TOP2B: variants seen among roughly 807,000 people sequenced by gnomAD.
TOP2B encodes DNA topoisomerase II beta, also known as DNA topoisomerase 2-beta.
A neutral mutation model predicts 193.5 loss-of-function variants in TOP2B; 51 were observed. That is an observed-to-expected ratio of 0.26 (90% CI 0.21 to 0.33). The LOEUF is 0.33. Among genes scored for constraint, TOP2B ranks in the 10% least tolerant of loss-of-function variants. The pLI is 1.00. For missense variants in TOP2B, 1,378 were observed against 1,909.3 expected (o/e 0.72, Z 5.19); for synonymous variants, 634 against 635.7 (o/e 1.00, Z 0.04).
At chr3:25,632,861 T>C in intron 8 of TOP2B, 67 bp from the exon 9 acceptor site, 2 of 1,259,546 alleles carry the variant, frequency 1.6e-6, no homozygotes, top group Non-Finnish European at 2.3e-6. Flanking sequence ...ACTTTATCTG[T>C]ATTATAAACC....
intron 19 of TOP2B, 76 bp downstream of exon 19, chr3:25,624,606 G>C: frequency 6.4e-7 from 1 of 1,574,536 alleles, no homozygotes; most frequent in African/African-American, 1.4e-5. Flanking sequence ...TTTACTAAAG[G>C]AAAAATACTA....
chr3:25,638,357 A>T lies in TOP2B; in HGVS notation c.396-47T>A, dbSNP rs1223655042. Reference sequence around the variant, plus strand: ...AAAAAAAAAAAAAAAAAAAAAGCAGAATTTAGAGCTTAAAATAGTAAAGAT... The same window carrying T: ...AAAAAAAAAAAAAAAAAAAAAGCAGTATTTAGAGCTTAAAATAGTAAAGAT... On this transcript the variant is annotated intron_variant, in intron 4 of 35. Transcript: ENST00000264331. 8 of 1,376,218 alleles carry T rather than the reference A, an allele frequency of 5.8e-6. No homozygotes were observed. In the African/African-American group the frequency reaches 1.3e-4, roughly 22 times the overall value. The allele number at this position is 1,376,218 out of a possible 1,614,324, so 85.3% of individuals were successfully genotyped here.
At chr3:25,629,765 T>A (rs1702906662) in intron 13 of TOP2B, among the ~76,000 whole-genome samples, 1 of 152,156 alleles carries the variant, frequency 6.6e-6, no homozygotes, top group Non-Finnish European at 1.5e-5. Context: ...TACTTGTTAA[T>A]TCCATAATTT....
At chr3:25,607,496 A>G in intron 30 of TOP2B, 121 bp from the exon 31 acceptor site, 1 of 1,276,930 alleles carries the variant, frequency 7.8e-7, no homozygotes, top group Non-Finnish European at 1.1e-6. Context: ...CATAAGAAAT[A>G]AAAGCAAGCA....
intron 31 of TOP2B, 125 bp downstream of exon 31, chr3:25,607,046 T>A (rs1327483917): frequency 8.9e-6 from 12 of 1,352,550 alleles, no homozygotes; most frequent in Admixed American, 2.8e-5. Flanking sequence ...ATTAACAAGA[T>A]TGATTCCTTC....
intron 31 of TOP2B, among the ~76,000 whole-genome samples, chr3:25,606,861 G>C (rs979032990): frequency 5.3e-5 from 8 of 152,146 alleles, no homozygotes; most frequent in Non-Finnish European, 7.4e-5. Context: ...TGGCTACACT[G>C]ATTTATTTAC....
intron 28 of TOP2B, among the ~76,000 whole-genome samples, chr3:25,612,283 T>C (rs1220016504): frequency 6.6e-6 from 1 of 152,096 alleles, no homozygotes; most frequent in Non-Finnish European, 1.5e-5. Context: ...GAGTGGAGTG[T>C]TTCTATTTCT....
chr3:25,624,288 A>T lies in TOP2B; in HGVS notation c.2495+9T>A. The T allele has an allele frequency of 1.9e-6, 3 of 1,613,304 alleles. No individual in the cohort carries two copies. The highest frequency in any genetic ancestry group is 2.5e-6 in the Non-Finnish European group (3 of 1,179,580). Reference sequence around the variant, plus strand: ...CAAACTTTATACCATTATATCAGCAAATATTTACCTTAACATTGTGAAAAT... The same window carrying T: ...CAAACTTTATACCATTATATCAGCATATATTTACCTTAACATTGTGAAAAT... On this transcript the variant is annotated intron_variant, in intron 20 of 35. Transcript: ENST00000264331.
At position 25,607,470 on chromosome 3, in the gene TOP2B, C is replaced by T. The variant is rs1440193866; in HGVS notation, c.4094-95G>A. Reference sequence around the variant, plus strand: ...ATAAAGCATTTGAAGTATATTCCAACCATCTCTAAAAATACCATAAGAAAT... The same window carrying T: ...ATAAAGCATTTGAAGTATATTCCAATCATCTCTAAAAATACCATAAGAAAT... On this transcript the variant is annotated intron_variant, in intron 30 of 35. Coordinates refer to ENST00000264331, the MANE Select transcript of TOP2B (RefSeq NM_001330700.2). 3 of 1,375,954 alleles carry T rather than the reference C, an allele frequency of 2.2e-6. No homozygotes were observed. In the African/African-American group the frequency reaches 4.4e-5, roughly 20 times the overall value. 85.2% of individuals were successfully genotyped at this position (1,375,954 alleles called of 1,614,324 possible). A position where few individuals can be genotyped will look rare whatever the true frequency, so the allele number is the denominator to read the frequency against.
At chr3:25,601,028 C>A in intron 34 of TOP2B, 72 bp downstream of exon 34, 1 of 1,513,410 alleles carries the variant, frequency 6.6e-7, no homozygotes. Flanking sequence ...TCTCTAAATT[C>A]AATGAGGTAG....
At chr3:25,601,911 A>C (rs977406050) in intron 33 of TOP2B, among the ~76,000 whole-genome samples, 1 of 152,192 alleles carries the variant, frequency 6.6e-6, no homozygotes, top group African/African-American at 2.4e-5. Flanking sequence ...AAAAAAATGT[A>C]TGGGATCCTC....
Position 25,637,218 on chromosome 3 carries a change from C to A in TOP2B, c.636G>T (p.Lys212Asn). Residue 212 changes from lysine to asparagine, a missense_variant, in exon 6 of 36, where the codon AAG becomes AAT. Around this residue, in one of 9 missense-constraint regions of TOP2B, gnomAD observed 222 missense variants for 306.6 expected, o/e 0.72. Transcript: ENST00000264331. Reference protein sequence around the residue: ...TACKEYKHSFKQTWMNNMMKT... With the variant: ...TACKEYKHSFNQTWMNNMMKT... Reference sequence around the variant, plus strand: ...AATAGATGTGTTTCTAGCATACCTGCTTAAAACTGTGTTTGTATTCTTTGC... The same window carrying A: ...AATAGATGTGTTTCTAGCATACCTGATTAAAACTGTGTTTGTATTCTTTGC... The A allele has an allele frequency of 6.4e-7, 1 of 1,550,388 alleles. No homozygotes were observed. The highest frequency in any genetic ancestry group is 8.7e-7 in the Non-Finnish European group (1 of 1,144,650).
intron 28 of TOP2B, 76 bp from the exon 29 acceptor site, chr3:25,609,788 A>G: frequency 7.4e-7 from 1 of 1,355,004 alleles, no homozygotes; most frequent in Non-Finnish European, 9.6e-7. Context: ...TTCAATCAAC[A>G]GATAGCGCCT....
At position 25,609,617 on chromosome 3, in the gene TOP2B, T is replaced by G. The variant is rs759331143; in HGVS notation, c.3882A>C (p.Ser1294=). Residue 1294 remains serine (S), a synonymous_variant, in exon 29 of 36, where the codon TCA becomes TCC. Transcript: ENST00000264331. ...GTTTGGGACCTTTATTTATAGGAAC[T>G]GATGGAGTCAATGCCTCTTCTCCTG... The part of the protein sequence containing the change: ...EGAGEEALTP[S]VPINKGPKPK... 1 of 1,594,168 alleles carries G rather than the reference T, an allele frequency of 6.3e-7. No homozygotes were observed. The highest frequency in any genetic ancestry group is 8.5e-7 in the Non-Finnish European group (1 of 1,170,646).
At chr3:25,605,500 AAT>A (rs560017507) in intron 32 of TOP2B, among the ~76,000 whole-genome samples, 235 of 151,998 alleles carry the variant, frequency 1.5e-3, no homozygotes, top group Non-Finnish European at 2.8e-3. Flanking sequence ...ATATGTACCA[AAT>A]ATGTCTAAAT....
chr3:25,620,597 A>G, intron 22 of TOP2B, 85 bp downstream of exon 22: 1 of 1,448,380 alleles, frequency 6.9e-7, no homozygotes, highest in Non-Finnish European at 9.3e-7. Context: ...CACGCTTAGG[A>G]CCAACAACGG....
At chr3:25,613,235 C>T (rs1363509919) in intron 27 of TOP2B, among the ~76,000 whole-genome samples, 1 of 151,994 alleles carries the variant, frequency 6.6e-6, no homozygotes, top group Admixed American at 6.6e-5. Context: ...AGGATATAAT[C>T]ATGATTAATA....
rs1314235103 is a variant in TOP2B at position 25,626,634 on chromosome 3, T to C, written c.2150A>G (p.Asn717Ser). 6.5e-7 allele frequency: 1 copy of C among 1,539,788 alleles called. No homozygotes were observed. Among genetic ancestry groups the C allele is most frequent in the African/African-American group, 1.4e-5 (1 of 72,352 alleles). Reference sequence around the variant, plus strand: ...AATCAATTCCTTGTTGATGAAATCATTATAAGTCAAATGCTTTGTTGCAGT... The same window carrying C: ...AATCAATTCCTTGTTGATGAAATCACTATAAGTCAAATGCTTTGTTGCAGT... ...YGTATKHLTYNDFINKELILF... is the reference protein window; with the variant it reads ...YGTATKHLTYSDFINKELILF... The change falls in exon 18 of 36, where the codon AAT becomes AGT. Residue 717 changes from asparagine to serine, a missense_variant. Physicochemically the swap from Asn to Ser is conservative, Grantham distance 46 (BLOSUM62 1). Around this residue, in one of 9 missense-constraint regions of TOP2B, gnomAD observed 379 missense variants for 615.1 expected, o/e 0.62. Transcript: ENST00000264331.
In TOP2B at chr3:25,627,770, A is replaced by G. The variant is rs574067730; in HGVS notation, c.1907-474T>C. ...ACCTTACTTGGATCCTGACTTTGGA[A>G]AAAAACAAACAAACTCAGGCCAAGC... On this transcript the variant is annotated intron_variant, in intron 15 of 35. Coordinates refer to ENST00000264331, the MANE Select transcript of TOP2B (RefSeq NM_001330700.2). Among the ~76,000 whole-genome samples, 7 of 152,262 alleles carry G rather than the reference A, an allele frequency of 4.6e-5. No individual in the cohort carries two copies. The South Asian group carries it at 1.5e-3, about 32-fold the overall frequency.
Sources: allele counts gnomAD v4.1 joint callset (sites outside exome capture counted in the v4.1 genomes callset), GRCh38; gene constraint gnomAD v4.1.1; regional missense constraint gnomAD v4.1.1; transcripts MANE v1.5; gene names NCBI Gene and HGNC (gene_info 2026-07-23, HGNC 2026-07-21).